MASP2: variants seen among roughly 807,000 people sequenced by gnomAD.
MASP2 encodes mannan-binding lectin serine protease 2.
MASP2 carries 49 observed loss-of-function variants against 57.1 expected under a neutral mutation model. That is an observed-to-expected ratio of 0.86 (90% CI 0.68 to 1.09). MASP2 has a LOEUF of 1.09. MASP2 is among the 50% of genes least tolerant of loss of function. MASP2 has a pLI of 0.00. For missense variants in MASP2, 900 were observed against 874.8 expected (o/e 1.03, Z -0.36); for synonymous variants, 379 against 340.8 (o/e 1.11, Z -1.24).
chr1:11,033,704 G>C (rs1643869025), intron 8 of MASP2, among the ~76,000 whole-genome samples: 2 of 152,066 alleles, frequency 1.3e-5, no homozygotes, highest in South Asian at 4.1e-4. Flanking sequence ...CCTGAGGCGG[G>C]CAGATCACTT....
At position 11,046,584 on chromosome 1, in the gene MASP2, C is replaced by T. The variant is rs187107024; in HGVS notation, c.384G>A (p.Thr128=). The T allele has an allele frequency of 1.3e-5, 21 of 1,613,912 alleles. No individual in the cohort carries two copies. Among genetic ancestry groups the T allele is most frequent in the South Asian group, 7.7e-5 (7 of 91,076 alleles). Residue 128 remains threonine, a synonymous_variant, in exon 3 of 11, where the codon ACG becomes ACA. Transcript: ENST00000400897. The part of the protein sequence containing the change: ...RSDYSNEKPF[T]GFEAFYAAED... ...CGGCTGCATAGAAGGCCTCGAACCC[C>T]GTGAACGGCTTCTCGTTGGAGTAGT...
chr1:11,046,011 G>GTTTTTGT (rs1291956197), intron 3 of MASP2: 1 of 191,660 alleles, frequency 5.2e-6, no homozygotes, highest in Admixed American at 5.3e-5. Flanking sequence ...CCCCTGCGTC[G>GTTTTTGT]TTTTTGTTTT....
In MASP2 at chr1:11,027,631, G is replaced by A. The variant is rs768647402; in HGVS notation, c.1315C>T (p.Arg439Cys). ...VCEPVCGLSA[R>C]TTGGRIYGGQ... ...CCATATATACGCCCTCCTGTTGTGC[G>A]GGCTGATAGTCCACAAACTGGAGAA... Residue 439 changes from arginine (R) to cysteine (C), a missense_variant, in exon 11 of 11, where the codon CGC becomes TGC. Transcript: ENST00000400897. 9.3e-6 allele frequency: 15 copies of A among 1,605,616 alleles called. No homozygotes were observed. The highest frequency in any genetic ancestry group is 1.3e-5 in the African/African-American group (1 of 74,484).
chr1:11,046,150 T>C (rs1638631004), intron 3 of MASP2: 1 of 297,756 alleles, frequency 3.4e-6, no homozygotes, highest in Non-Finnish European at 6.6e-6. Context: ...GTAGCTGGGA[T>C]TCCAGGTGCG....
At chr1:11,033,717 C>T (rs968571343) in intron 8 of MASP2, among the ~76,000 whole-genome samples, 5 of 151,864 alleles carry the variant, frequency 3.3e-5, no homozygotes, top group East Asian at 3.9e-4. Context: ...GATCACTTGA[C>T]GTCAGGAGTT....
At position 11,045,513 on chromosome 1, in the gene MASP2, C is replaced by T. The variant is rs1167818983; in HGVS notation, c.439G>A (p.Gly147Arg). 12 of 1,608,462 alleles carry T rather than the reference C, an allele frequency of 7.5e-6. No individual in the cohort carries two copies. Among genetic ancestry groups the T allele is most frequent in the African/African-American group, 1.3e-5 (1 of 74,492 alleles). The change falls in exon 4 of 11, where the codon GGA (glycine) becomes AGA (arginine). Residue 147 changes from glycine to arginine, a missense_variant. By Grantham distance (125) the Gly-to-Arg change is moderately radical. Coordinates refer to ENST00000400897, the MANE Select transcript of MASP2 (RefSeq NM_006610.4). ...TGGTGGTCGCAGGTGGGCGCCTCTC[C>T]CGGGGCCACCTGGCACTCGTCAATG... ...EDIDECQVAP[G>R]EAPTCDHHCH...
rs1643793964 is a variant in MASP2, at chr1:11,029,015, CAG to C, written c.1297+1159_1297+1160del. Among the ~76,000 whole-genome samples, 5 of 148,118 alleles carry C rather than the reference CAG, an allele frequency of 3.4e-5. No homozygotes were observed. The South Asian group carries it at 1.1e-3, about 32-fold the overall frequency. The stretch of plus-strand genomic sequence containing the variant: ...TTTCTTTTTCTCTTTTTTTTTGAGA[CAG>C]AGTCTCGCTCTGTTGCCCAGGCTGG... On this transcript the variant is annotated intron_variant, in intron 10 of 10. Transcript: ENST00000400897.
chr1:11,036,397 G>A (rs1210170191), intron 7 of MASP2, among the ~76,000 whole-genome samples: 4 of 149,640 alleles, frequency 2.7e-5, no homozygotes, highest in African/African-American at 4.9e-5. Flanking sequence ...CCAGCTACTC[G>A]GGAGGCTGAG....
At chr1:11,033,055 G>A (rs772929138) in intron 8 of MASP2, among the ~76,000 whole-genome samples, 2 of 151,798 alleles carry the variant, frequency 1.3e-5, no homozygotes, top group South Asian at 2.1e-4. Context: ...TCGGCCGGGC[G>A]CGGTGGCTCA....
Position 11,046,673 on chromosome 1 carries a change from G to C in MASP2, c.295C>G (p.Arg99Gly), listed in dbSNP as rs762455793. ...TAGAAAGTGTCCTTGCCAGGGGCCC[G>C]CTCCGTGTCTGTGCTCTCCTGCCCG... ...LCGQESTDTE[R>G]APGKDTFYSL... is the part of the protein sequence containing the mutation. Residue 99 changes from arginine (R) to glycine (G), a missense_variant, in exon 3 of 11, where the codon CGG (arginine) becomes GGG (glycine). Arg to Gly is a moderately radical substitution (Grantham distance 125). Coordinates refer to ENST00000400897, the MANE Select transcript of MASP2 (RefSeq NM_006610.4). 7 of 1,613,486 alleles carry C rather than the reference G, an allele frequency of 4.3e-6. No homozygotes were observed. Among genetic ancestry groups the C allele is most frequent in the Non-Finnish European group, 5.9e-6 (7 of 1,180,024 alleles).
intron 10 of MASP2, 27 bp from the exon 11 acceptor site, chr1:11,027,675 A>C (rs1189459003): frequency 1.9e-5 from 29 of 1,548,180 alleles, no homozygotes; most frequent in Non-Finnish European, 2.5e-5. Context: ...ATAGGTAGAG[A>C]GCCTTTGTAA....
rs372033455 is a variant in MASP2 at position 11,047,224 on chromosome 1, T to A, written c.-17A>T. Reference sequence around the variant, plus strand: ...CTACCTCATGGTGTGCCCGTCCAGCTGGCCTGGCCTGGTCTGCAGCCCTAC... The same window carrying A: ...CTACCTCATGGTGTGCCCGTCCAGCAGGCCTGGCCTGGTCTGCAGCCCTAC... On this transcript the variant is annotated 5_prime_UTR_variant, in exon 1 of 11. Coordinates refer to ENST00000400897, the MANE Select transcript of MASP2 (RefSeq NM_006610.4). 66 of 1,556,814 alleles carry A rather than the reference T, an allele frequency of 4.2e-5. No individual in the cohort carries two copies. The highest frequency in any genetic ancestry group is 5.4e-5 in the Non-Finnish European group (62 of 1,154,062).
At chr1:11,028,701 T>TG (rs1643784428) in intron 10 of MASP2, among the ~76,000 whole-genome samples, 1 of 50,874 alleles carries the variant, frequency 2.0e-5, no homozygotes, top group African/African-American at 6.3e-5. Flanking sequence ...TTCTGGGTTT[T>TG]TTTTCTTTTT....
Position 11,037,828 on chromosome 1 carries a change from A to G in MASP2, c.890-17T>C. The G allele has an allele frequency of 6.5e-7, 1 of 1,534,714 alleles. No homozygotes were observed. Among genetic ancestry groups the G allele is most frequent in the Non-Finnish European group, 8.9e-7 (1 of 1,120,642 alleles). On this transcript the variant is annotated splice_polypyrimidine_tract_variant and intron_variant, in intron 6 of 10. Transcript: ENST00000400897. Reference sequence around the variant, plus strand: ...AAGGCTGCGCTGCGCAGAGGAAACCAGGCTTGTTGGTTTTCATGTGGTCTA... The same window carrying G: ...AAGGCTGCGCTGCGCAGAGGAAACCGGGCTTGTTGGTTTTCATGTGGTCTA...
Position 11,045,440 on chromosome 1 carries a change from T to C in MASP2, c.512A>G (p.Tyr171Cys), listed in dbSNP as rs1638604109. Residue 171 changes from tyrosine (Y) to cysteine (C), a missense_variant, in exon 4 of 11, where the codon TAC (tyrosine) becomes TGC (cysteine). Tyr to Cys is a radical substitution (Grantham distance 194). Transcript: ENST00000400897. ...GGFYCSCRAG[Y>C]VLHRNKRTCS... ...GGTGCGCTTGTTACGGTGCAGGACG[T>C]AGCCTGCGCGGCAGGAGCAGTAGAA... The C allele has an allele frequency of 2.5e-6, 4 of 1,613,046 alleles. No homozygotes were observed. Among genetic ancestry groups the C allele is most frequent in the Admixed American group, 1.7e-5 (1 of 59,994 alleles).
chr1:11,031,507 T>C (rs1305957117), intron 8 of MASP2, among the ~76,000 whole-genome samples: 3 of 108,436 alleles, frequency 2.8e-5, no homozygotes, highest in Non-Finnish European at 5.1e-5. Flanking sequence ...CCAGCCTGGG[T>C]GACAGAGCAA....
chr1:11,046,475 C>T, intron 3 of MASP2, 81 bp downstream of exon 3: 1 of 1,516,150 alleles, frequency 6.6e-7, no homozygotes, highest in Non-Finnish European at 9.1e-7. Flanking sequence ...AAACTGAAGG[C>T]AGGGCTGCCT....
chr1:11,039,299 T>C (rs758421940), intron 6 of MASP2, among the ~76,000 whole-genome samples: 2 of 151,988 alleles, frequency 1.3e-5, no homozygotes, highest in Non-Finnish European at 2.9e-5. Context: ...TAGACATCCA[T>C]AGGATGGAAT....
chr1:11,041,787 T>A (rs1437836090), intron 6 of MASP2, among the ~76,000 whole-genome samples: 201 of 148,782 alleles, frequency 1.4e-3, no homozygotes, highest in Middle Eastern at 3.8e-3. Flanking sequence ...GATGGATGGA[T>A]GGATGGATAG....
Sources: gnomAD v4.1 joint callset for allele counts (sites outside exome capture counted in the v4.1 genomes callset) on GRCh38, gnomAD v4.1.1 for gene constraint, MANE v1.5 for transcripts, NCBI Gene and HGNC (gene_info 2026-07-23, HGNC 2026-07-21) for gene names.